Variants in MARCHF8 observed in about 807,000 individuals in gnomAD.
MARCHF8 encodes membrane associated ring-CH-type finger 8.
A neutral mutation model predicts 51.6 loss-of-function variants in MARCHF8; 40 were observed. That is an observed-to-expected ratio of 0.77 (90% confidence interval 0.60 to 1.01). MARCHF8 has a LOEUF of 1.01. Among genes scored for constraint, MARCHF8 ranks in the 50% least tolerant of loss-of-function variants. The pLI is 0.00. For missense variants in MARCHF8, 685 were observed against 708.6 expected (o/e 0.97, Z 0.38); for synonymous variants, 263 against 280.3 (o/e 0.94, Z 0.62).
intron 1 of MARCHF8, among the ~76,000 whole-genome samples, chr10:45,560,405 T>A (rs1031740229): frequency 3.9e-5 from 6 of 152,172 alleles, no homozygotes; most frequent in African/African-American, 1.2e-4. Flanking sequence ...GATAAGTTAG[T>A]TTACTTAGGC....
At chr10:45,554,729 G>T (rs1442368147) in intron 1 of MARCHF8, among the ~76,000 whole-genome samples, 1 of 152,284 alleles carries the variant, frequency 6.6e-6, no homozygotes. Context: ...AGACCAGCCT[G>T]ACCAAAATGG....
intron 1 of MARCHF8, among the ~76,000 whole-genome samples, chr10:45,590,969 G>T (rs11239570): frequency 0.23 from 34,608 of 152,086 alleles, 4,116 homozygotes; most frequent in South Asian, 0.37. Flanking sequence ...ATTGGTTTCT[G>T]CCCCACCCTA....
intron 2 of MARCHF8, among the ~76,000 whole-genome samples, chr10:45,509,100 G>T (rs565961990): frequency 9.8e-5 from 15 of 152,292 alleles, no homozygotes; most frequent in African/African-American, 3.6e-4. Context: ...GTACTTTGGG[G>T]CACAGGCTTC....
chr10:45,471,696 G>C lies in MARCHF8; in HGVS notation c.154-7369C>G, dbSNP rs150769373. Among the ~76,000 whole-genome samples, 863 of 152,252 alleles carry C rather than the reference G, an allele frequency of 5.7e-3. 10 individuals are homozygous for C. Among genetic ancestry groups the C allele is most frequent in the African/African-American group, 0.02 (826 of 41,546 alleles). On this transcript the variant is annotated intron_variant, in intron 3 of 7. Transcript: ENST00000453424. The stretch of plus-strand genomic sequence containing the variant: ...CCAAAGTCTTCCCTCTGTGTTCTGG[G>C]GCCAGTCCACTGAGCACACTACCGA...
intron 1 of MARCHF8, among the ~76,000 whole-genome samples, chr10:45,586,649 CT>C (rs2133438400): frequency 6.6e-6 from 1 of 152,142 alleles, no homozygotes; most frequent in South Asian, 2.1e-4. Context: ...TATTGTTAGT[CT>C]TTTTCATTTT....
chr10:45,493,909 C>T (rs2043127838), intron 2 of MARCHF8, among the ~76,000 whole-genome samples: 1 of 152,180 alleles, frequency 6.6e-6, no homozygotes. Context: ...CCTCAACCTC[C>T]CAAGTAGCTG....
At chr10:45,500,513 A>C (rs942841721) in intron 2 of MARCHF8, among the ~76,000 whole-genome samples, 1 of 152,146 alleles carries the variant, frequency 6.6e-6, no homozygotes, top group South Asian at 2.1e-4. Context: ...TCCTGATCTT[A>C]GAGGAAAAAT....
At chr10:45,565,776 G>C (rs944401335) in intron 1 of MARCHF8, among the ~76,000 whole-genome samples, 7 of 152,096 alleles carry the variant, frequency 4.6e-5, no homozygotes, top group African/African-American at 1.7e-4. Context: ...ACCAAATATG[G>C]AACCACTGCT....
chr10:45,469,821 C>T (rs935260072), intron 3 of MARCHF8, among the ~76,000 whole-genome samples: 12 of 137,162 alleles, frequency 8.7e-5, no homozygotes, highest in African/African-American at 5.5e-5. Context: ...GCCGAGATCG[C>T]GCCACTGCAC....
At chr10:45,563,059 C>T (rs2044328288) in intron 1 of MARCHF8, among the ~76,000 whole-genome samples, 1 of 151,984 alleles carries the variant, frequency 6.6e-6, no homozygotes, top group Non-Finnish European at 1.5e-5. Context: ...CAGAGTCTCA[C>T]TCTGTCACCC....
intron 2 of MARCHF8, among the ~76,000 whole-genome samples, chr10:45,504,502 CTTG>C (rs956942225): frequency 4.0e-5 from 6 of 151,642 alleles, no homozygotes; most frequent in African/African-American, 7.3e-5. Flanking sequence ...TGCTATACAC[CTTG>C]TTTTTTCTCC....
At chr10:45,540,831 C>G (rs71496615) in intron 1 of MARCHF8, among the ~76,000 whole-genome samples, 9,382 of 152,268 alleles carry the variant, frequency 0.062, 329 homozygotes, top group Non-Finnish European at 0.066. Context: ...CTCATCATCA[C>G]TGGCCATCAA....
upstream of MARCHF8, among the ~76,000 whole-genome samples, chr10:45,538,933 T>C (rs983101939): frequency 3.3e-5 from 5 of 152,096 alleles, no homozygotes; most frequent in African/African-American, 1.2e-4. Flanking sequence ...AACAAGGATA[T>C]CCAGGAATTG....
chr10:45,492,155 G>T (rs944076621), intron 2 of MARCHF8, among the ~76,000 whole-genome samples: 1 of 152,144 alleles, frequency 6.6e-6, no homozygotes, highest in Non-Finnish European at 1.5e-5. Context: ...AAACACAGGG[G>T]TTTTAAAGCC....
chr10:45,545,545 G>T (rs543343292), intron 1 of MARCHF8, among the ~76,000 whole-genome samples: 1 of 152,156 alleles, frequency 6.6e-6, no homozygotes, highest in South Asian at 2.1e-4. Flanking sequence ...AATTGAAATG[G>T]ATTTCAAATA....
intron 2 of MARCHF8, among the ~76,000 whole-genome samples, chr10:45,508,729 G>A (rs2043435975): frequency 6.6e-6 from 1 of 152,022 alleles, no homozygotes; most frequent in Non-Finnish European, 1.5e-5. Flanking sequence ...TATATTTCAA[G>A]ATTCATTTCT....
chr10:45,593,077 A>C (rs1403796976), intron 1 of MARCHF8, among the ~76,000 whole-genome samples: 1 of 152,148 alleles, frequency 6.6e-6, no homozygotes, highest in Non-Finnish European at 1.5e-5. Flanking sequence ...GACTTGCTTA[A>C]GCTTAAGCCA....
At chr10:45,573,741 A>C (rs1176312284) in intron 1 of MARCHF8, among the ~76,000 whole-genome samples, 1 of 152,178 alleles carries the variant, frequency 6.6e-6, no homozygotes. Context: ...GGTAACTCTT[A>C]AAGTGGAGGG....
intron 6 of MARCHF8, 58 bp from the exon 7 acceptor site, chr10:45,459,325 TGAGAGCA>T: frequency 6.4e-7 from 1 of 1,574,760 alleles, no homozygotes; most frequent in East Asian, 2.3e-5. Context: ...TCCGGTGGGG[TGAGAGCA>T]TTGTAGGTAG....
Sources: gnomAD v4.1 joint callset for allele counts (sites outside exome capture counted in the v4.1 genomes callset) on GRCh38, gnomAD v4.1.1 for gene constraint, MANE v1.5 for transcripts, NCBI Gene and HGNC (gene_info 2026-07-23, HGNC 2026-07-21) for gene names.